VPS35L: variants seen among roughly 807,000 people sequenced by gnomAD.
The protein encoded by VPS35L is VPS35 endosomal protein-sorting factor-like.
Under a neutral mutation model 133.0 loss-of-function variants are expected in VPS35L, and 83 were observed. That is an observed-to-expected ratio of 0.62 (90% confidence interval 0.52 to 0.75). VPS35L has a LOEUF of 0.75. Ranked by LOEUF, VPS35L falls within the 30% of genes least tolerant of loss-of-function variation. The pLI is 0.00. For synonymous variants in VPS35L, 423 were observed against 449.9 expected, an observed-to-expected ratio of 0.94 and a Z score of 0.76; for missense variants, 1,083 against 1,206.8, an observed-to-expected ratio of 0.90 and a Z score of 1.52.
chr16:19,629,205 G>A (rs1442163044), intron 17 of VPS35L, among the ~76,000 whole-genome samples: 3 of 152,206 alleles, frequency 2.0e-5, no homozygotes, highest in Non-Finnish European at 4.4e-5. Context: ...GCTGAGGCAG[G>A]AGGATCACTT....
chr16:19,604,761 G>A (rs1972491468), intron 9 of VPS35L, among the ~76,000 whole-genome samples: 1 of 152,134 alleles, frequency 6.6e-6, no homozygotes, highest in Admixed American at 6.5e-5. Flanking sequence ...GTTCTGTTGG[G>A]TGAATTTCAT....
intron 26 of VPS35L, among the ~76,000 whole-genome samples, chr16:19,661,482 G>A (rs988959459): frequency 2.0e-5 from 3 of 152,144 alleles, no homozygotes; most frequent in African/African-American, 7.2e-5. Context: ...AGATGCCAGT[G>A]GGGCTCCTCA....
At position 19,610,401 on chromosome 16, in the gene VPS35L, G is replaced by A. The variant is rs1972676914; in HGVS notation, c.1009G>A (p.Ala337Thr). 1.4e-5 allele frequency: 22 copies of A among 1,613,850 alleles called. No homozygotes were observed. The highest frequency in any genetic ancestry group is 1.8e-5 in the Non-Finnish European group (21 of 1,179,906). ...GDPLVSVYAR[A>T]YLCRVGMEVA... ...CCCACTAGTGTCGGTGTATGCCCGT[G>A]CCTACCTGTGCCGGGTAGGCCATGC... The change falls in exon 12 of 31, where the codon GCC (alanine) becomes ACC (threonine). Residue 337 changes from alanine to threonine, a missense_variant. By Grantham distance (58) the Ala-to-Thr change is moderately conservative. Transcript: ENST00000417362.
chr16:19,655,101 G>A lies in VPS35L; in HGVS notation c.2221+3011G>A, dbSNP rs375201844. ...CTCGGTCCCCACTGAGGGACAACTG[G>A]TGTGAGAACAGCCCCATATACTGTG... On this transcript the variant is annotated intron_variant, in intron 26 of 30. Coordinates refer to ENST00000417362, the MANE Select transcript of VPS35L (RefSeq NM_020314.7). 3.3e-5 allele frequency among the ~76,000 whole-genome samples: 5 copies of A among 152,280 alleles called. No individual in the cohort carries two copies. The East Asian group carries it at 5.8e-4, about 18-fold the overall frequency.
At chr16:19,631,322 G>A (rs1973449466) in intron 18 of VPS35L, among the ~76,000 whole-genome samples, 1 of 152,136 alleles carries the variant, frequency 6.6e-6, no homozygotes, top group Admixed American at 6.5e-5. Flanking sequence ...ACCATCCAGA[G>A]TAAGAAATAG....
At chr16:19,663,706 GA>G (rs1322744314) in intron 26 of VPS35L, among the ~76,000 whole-genome samples, 2 of 76,604 alleles carry the variant, frequency 2.6e-5, no homozygotes, top group Admixed American at 1.4e-4. Flanking sequence ...TTACATTTTG[GA>G]ACTTTAAGCT....
intron 18 of VPS35L, among the ~76,000 whole-genome samples, chr16:19,630,395 G>A (rs902660175): frequency 3.4e-5 from 5 of 148,370 alleles, no homozygotes; most frequent in African/African-American, 7.5e-5. Flanking sequence ...GTGTGGTGGC[G>A]TGGTCTCGGC....
intron 13 of VPS35L, 152 bp from the exon 14 acceptor site, chr16:19,616,534 G>A: frequency 1.0e-6 from 1 of 999,712 alleles, no homozygotes. Flanking sequence ...GTTTTTTTTT[G>A]GTTTAAAAAA....
chr16:19,623,996 GTTTCGCCATGTTGCCCAGACTGGTCT>G (rs1445215464), intron 14 of VPS35L, among the ~76,000 whole-genome samples: 3 of 148,986 alleles, frequency 2.0e-5, no homozygotes, highest in Non-Finnish European at 3.0e-5. Flanking sequence ...TAGAGATGAG[GTTTCGCCATGTTGCCCAGACTGGTCT>G]TGAACTCCTA....
chr16:19,673,476 C>T (rs1447760493), intron 27 of VPS35L, among the ~76,000 whole-genome samples: 1 of 152,226 alleles, frequency 6.6e-6, no homozygotes, highest in African/African-American at 2.4e-5. Flanking sequence ...CTGTTGTCCA[C>T]TTGGCCCCTT....
Position 19,633,914 on chromosome 16 carries a change from G to A in VPS35L, c.1635+742G>A, listed in dbSNP as rs1973539140. ...GCTAATTTTTTGAATTTTTAGTAGAGTTGGGGTTTCACCGCGTTAGCCAGG... is the reference window on the plus strand; with the variant it reads ...GCTAATTTTTTGAATTTTTAGTAGAATTGGGGTTTCACCGCGTTAGCCAGG... On this transcript the variant is annotated intron_variant, in intron 19 of 30. Coordinates refer to ENST00000417362, the MANE Select transcript of VPS35L (RefSeq NM_020314.7). This position sits in a 1 kb window ranked among gnomAD's most constrained non-coding sequence, Gnocchi z 4.1. 6.6e-6 allele frequency among the ~76,000 whole-genome samples: 1 copy of A among 151,902 alleles called. No individual in the cohort carries two copies. Among genetic ancestry groups the A allele is most frequent in the Non-Finnish European group, 1.5e-5 (1 of 67,988 alleles).
At chr16:19,637,243 G>A (rs923938306) in intron 19 of VPS35L, among the ~76,000 whole-genome samples, 1 of 152,146 alleles carries the variant, frequency 6.6e-6, no homozygotes, top group African/African-American at 2.4e-5. Flanking sequence ...TTCTAAAGGC[G>A]GGCACTGCAC....
At chr16:19,569,346 G>C in intron 2 of VPS35L, 78 bp from the exon 3 acceptor site, 4 of 1,512,164 alleles carry the variant, frequency 2.6e-6, no homozygotes, top group Non-Finnish European at 3.7e-6. Context: ...ACCAGAATGG[G>C]AGGAAAGTAC....
intron 28 of VPS35L, among the ~76,000 whole-genome samples, 164 bp downstream of exon 28, chr16:19,682,554 G>A (rs1353074998): frequency 6.6e-6 from 1 of 152,184 alleles, no homozygotes; most frequent in East Asian, 1.9e-4. Flanking sequence ...TTTACCTGGA[G>A]CAACTCTTAA....
chr16:19,640,634 A>C (rs1390939253), intron 21 of VPS35L, among the ~76,000 whole-genome samples: 1 of 152,240 alleles, frequency 6.6e-6, no homozygotes, highest in East Asian at 1.9e-4. Flanking sequence ...ACAAAAAAGA[A>C]AAAAAATCAA....
At chr16:19,593,917 CAAA>C (rs776234597) in intron 8 of VPS35L, among the ~76,000 whole-genome samples, 1 of 123,914 alleles carries the variant, frequency 8.1e-6, no homozygotes. Context: ...ACTCCGTCTC[CAAA>C]AAAAAAAAAG....
At position 19,650,463 on chromosome 16, in the gene VPS35L, T is replaced by C. The variant is rs374715857; in HGVS notation, c.2106+4T>C. ...AAAGACAGCTGCATTTGTCCGGGTATGTTCTTAAGATAAGGACTGTTGGAC... is the reference window on the plus strand; with the variant it reads ...AAAGACAGCTGCATTTGTCCGGGTACGTTCTTAAGATAAGGACTGTTGGAC... On this transcript the variant is annotated splice_donor_region_variant and intron_variant, in intron 25 of 30. Coordinates refer to ENST00000417362, the MANE Select transcript of VPS35L (RefSeq NM_020314.7). 2.5e-6 allele frequency: 4 copies of C among 1,611,880 alleles called. No homozygotes were observed. The African/African-American group carries it at 4.0e-5, about 16-fold the overall frequency.
At chr16:19,664,813 T>G (rs1974607975) in intron 26 of VPS35L, among the ~76,000 whole-genome samples, 1 of 151,026 alleles carries the variant, frequency 6.6e-6, no homozygotes, top group Non-Finnish European at 1.5e-5. Context: ...GGCAGGAGAA[T>G]CGCTTGAACC....
intron 23 of VPS35L, among the ~76,000 whole-genome samples, chr16:19,646,071 C>T (rs775867237): frequency 6.6e-6 from 1 of 152,076 alleles, no homozygotes; most frequent in Non-Finnish European, 1.5e-5. Context: ...TGAGCCACTG[C>T]GCCCAGCATG....
Sources: gnomAD v4.1 joint callset for allele counts (sites outside exome capture counted in the v4.1 genomes callset) on GRCh38, gnomAD v4.1.1 for gene constraint, Gnocchi (gnomAD v3.1) non-coding constraint, MANE v1.5 for transcripts, NCBI Gene and HGNC (gene_info 2026-07-23, HGNC 2026-07-21) for gene names.